Variants in TUSC3 observed in about 807,000 individuals in gnomAD.
TUSC3 encodes the protein tumor suppressor candidate 3.
Under a neutral mutation model 44.8 loss-of-function variants are expected in TUSC3, and 45 were observed. The ratio of observed to expected loss-of-function variants is 1.00; its 90% CI spans 0.79 to 1.29. The LOEUF is 1.29. TUSC3 is among the 50% of genes most tolerant of loss of function. The pLI is 0.00. For synonymous variants in TUSC3, 212 were observed against 152.9 expected (o/e 1.39, Z -2.85); for missense variants, 519 against 437.9 (o/e 1.19, Z -1.65).
downstream of TUSC3, among the ~76,000 whole-genome samples, chr8:15,767,317 A>G (rs897539068): frequency 1.1e-4 from 16 of 152,126 alleles, no homozygotes; most frequent in African/African-American, 3.6e-4. Flanking sequence ...TAGGAAAATC[A>G]TGTCACATTT....
intron 2 of TUSC3, among the ~76,000 whole-genome samples, chr8:15,528,245 T>G (rs1801402247): frequency 6.6e-6 from 1 of 152,136 alleles, no homozygotes; most frequent in Non-Finnish European, 1.5e-5. Flanking sequence ...AAGGTTAAAA[T>G]TAAAATGAAC....
At chr8:15,546,895 C>T (rs1402700805) in intron 1 of TUSC3, among the ~76,000 whole-genome samples, 5 of 151,520 alleles carry the variant, frequency 3.3e-5, no homozygotes, top group Non-Finnish European at 5.9e-5. Flanking sequence ...CTGCCTGCCT[C>T]CCAGTTGGCC....
intron 7 of TUSC3, among the ~76,000 whole-genome samples, chr8:15,735,891 G>GAT (rs539526479): frequency 6.8e-6 from 1 of 147,228 alleles, no homozygotes; most frequent in Non-Finnish European, 1.5e-5. Flanking sequence ...TTGTTTTTTT[G>GAT]GTTTTTTTTT....
At chr8:15,716,698 A>G (rs1810074662) in intron 6 of TUSC3, among the ~76,000 whole-genome samples, 1 of 152,164 alleles carries the variant, frequency 6.6e-6, no homozygotes, top group Non-Finnish European at 1.5e-5. Context: ...TTCATTTACA[A>G]AAAACTGCTT....
At chr8:15,440,606 A>T (rs145381517) in intron 1 of TUSC3, among the ~76,000 whole-genome samples, 1 of 152,336 alleles carries the variant, frequency 6.6e-6, no homozygotes, top group East Asian at 1.9e-4. Flanking sequence ...AGGATGGAAT[A>T]TTAGAATTGA....
intron 2 of TUSC3, among the ~76,000 whole-genome samples, chr8:15,485,801 T>G (rs1394113201): frequency 6.6e-6 from 1 of 152,108 alleles, no homozygotes; most frequent in East Asian, 1.9e-4. Flanking sequence ...TTTGTTTGTT[T>G]GTTTTTTTGA....
chr8:15,584,984 T>C (rs1329849888), intron 1 of TUSC3, among the ~76,000 whole-genome samples: 1 of 152,192 alleles, frequency 6.6e-6, no homozygotes, highest in Non-Finnish European at 1.5e-5. Context: ...ACATATCTGC[T>C]TATTAAAAAG....
chr8:15,460,489 G>C (rs1014202438), intron 1 of TUSC3, among the ~76,000 whole-genome samples: 3 of 152,152 alleles, frequency 2.0e-5, no homozygotes, highest in African/African-American at 7.2e-5. Flanking sequence ...TGGGTTGTCT[G>C]TCTACTCTGC....
chr8:15,476,853 G>C (rs1001855126), intron 1 of TUSC3, among the ~76,000 whole-genome samples: 12 of 152,184 alleles, frequency 7.9e-5, no homozygotes, highest in African/African-American at 2.9e-4. Context: ...TTGGCAGAAA[G>C]TTTTTCACAA....
At chr8:15,807,202 T>A in the TUSC3 span, 46 of 725,616 alleles carry the variant, frequency 6.3e-5, no homozygotes, top group Middle Eastern at 7.3e-4. Flanking sequence ...CCTTGCATGC[T>A]GCGTAGCTCG....
intron 1 of TUSC3, among the ~76,000 whole-genome samples, chr8:15,600,287 ATGT>A (rs1392208644): frequency 1.3e-5 from 2 of 151,760 alleles, no homozygotes; most frequent in Non-Finnish European, 3.0e-5. Flanking sequence ...AGATAAAATA[ATGT>A]TGTGGTAGTA....
At chr8:15,518,652 G>A (rs1474966631) in intron 2 of TUSC3, among the ~76,000 whole-genome samples, 1 of 152,066 alleles carries the variant, frequency 6.6e-6, no homozygotes, top group Non-Finnish European at 1.5e-5. Context: ...TTGCAGGAAT[G>A]CCTACCAGTC....
chr8:15,583,375 G>A (rs73665441), intron 1 of TUSC3, among the ~76,000 whole-genome samples: 5,470 of 152,240 alleles, frequency 0.036, 107 homozygotes, highest in African/African-American at 0.058. Context: ...TAGAGCTAGC[G>A]CAGAGAAGAT....
At chr8:15,803,645 T>C in the TUSC3 span, among the ~76,000 whole-genome samples, 1 of 152,202 alleles carries the variant, frequency 6.6e-6, no homozygotes, top group African/African-American at 2.4e-5. Flanking sequence ...GCTGTACCTA[T>C]CAACCTGTCA....
chr8:15,658,138 A>G (rs890988380), intron 3 of TUSC3, among the ~76,000 whole-genome samples: 1 of 152,200 alleles, frequency 6.6e-6, no homozygotes, highest in African/African-American at 2.4e-5. Context: ...AAACCATAGC[A>G]AACATGGACC....
intron 9 of TUSC3, among the ~76,000 whole-genome samples, chr8:15,749,131 ATT>A (rs67542161): frequency 6.1e-5 from 7 of 114,682 alleles, no homozygotes; most frequent in Non-Finnish European, 1.3e-4. Flanking sequence ...ATAACTTAAC[ATT>A]TTTTTCTTTC....
chr8:15,749,727 A>G (rs913964988), intron 9 of TUSC3, among the ~76,000 whole-genome samples: 1 of 137,244 alleles, frequency 7.3e-6, no homozygotes, highest in African/African-American at 2.7e-5. Flanking sequence ...TCCAAGAAAG[A>G]TGAAGTTTTT....
chr8:15,595,914 A>G (rs2129152527), intron 1 of TUSC3, among the ~76,000 whole-genome samples: 1 of 152,342 alleles, frequency 6.6e-6, no homozygotes, highest in African/African-American at 2.4e-5. Context: ...GGTATGCCAT[A>G]GGAACTTAGT....
chr8:15,780,294 T>C, the TUSC3 span, among the ~76,000 whole-genome samples: 5 of 152,098 alleles, frequency 3.3e-5, no homozygotes, highest in Non-Finnish European at 7.4e-5. Flanking sequence ...CACAATACAG[T>C]TGGAAAGGAA....
Sources: allele counts gnomAD v4.1 joint callset (sites outside exome capture counted in the v4.1 genomes callset), GRCh38; gene constraint gnomAD v4.1.1; transcripts MANE v1.5; gene names NCBI Gene and HGNC (gene_info 2026-07-23, HGNC 2026-07-21).